Variants in MSL1 observed in about 807,000 individuals in gnomAD.
MSL1 encodes the protein male-specific lethal 1 homolog.
In MSL1, 21 loss-of-function variants were observed where a neutral mutation model predicts 64.6. That is an observed-to-expected ratio of 0.33 (90% confidence interval 0.23 to 0.47). The LOEUF (loss-of-function observed/expected upper bound fraction) is 0.47. MSL1 is among the 20% of genes least tolerant of loss of function. MSL1 has a pLI of 1.00. For missense variants in MSL1, 664 were observed against 793.2 expected (o/e 0.84, Z 1.96); for synonymous variants, 339 against 329.6 (o/e 1.03, Z -0.31).
At position 40,122,976 on chromosome 17, in the gene MSL1, G is replaced by A. The variant is rs753509624; in HGVS notation, c.364G>A (p.Gly122Arg). The A allele has an allele frequency of 1.3e-6, 2 of 1,527,286 alleles. No homozygotes were observed. Among genetic ancestry groups the A allele is most frequent in the Admixed American group, 2.0e-5 (1 of 50,472 alleles). The allele number at this position is 1,527,286 out of a possible 1,614,324, so 94.6% of individuals were successfully genotyped here. Reference sequence around the variant, plus strand: ...CATTGGGGGGGAGCCTGCCGCAGCCGGAGCCGGCTGCAGCCCCCGGCCCAA... The same window carrying A: ...CATTGGGGGGGAGCCTGCCGCAGCCAGAGCCGGCTGCAGCCCCCGGCCCAA... Reference protein sequence around the residue: ...AGIGGEPAAAGAGCSPRPKYQ... With the variant: ...AGIGGEPAAARAGCSPRPKYQ... The change falls in exon 1 of 9, where the codon GGA becomes AGA. Residue 122 changes from glycine to arginine, a missense_variant. By Grantham distance (125) the Gly-to-Arg change is moderately radical. Around this residue, in one of 4 missense-constraint regions of MSL1, gnomAD observed 466 missense variants for 499.0 expected, o/e 0.93. Transcript: ENST00000398532. This position sits in a 1 kb window ranked among gnomAD's most constrained non-coding sequence, Gnocchi z 4.2.
chr17:40,133,859 G>A lies in MSL1; in HGVS notation c.1714G>A (p.Val572Ile), dbSNP rs750524872. The A allele has an allele frequency of 1.9e-6, 3 of 1,613,970 alleles. No individual in the cohort carries two copies. Among genetic ancestry groups the A allele is most frequent in the South Asian group, 1.1e-5 (1 of 91,078 alleles). The stretch of plus-strand genomic sequence containing the variant: ...TTTGATGATTACCCCCTTCTTGCCT[G>A]TTGTAGCATTTGGACGACCATTACC... ...ESLMITPFLP[V>I]VAFGRPLPKL... The change falls in exon 8 of 9, where the codon GTT becomes ATT. Residue 572 changes from valine to isoleucine, a missense_variant. Val to Ile is a conservative substitution (Grantham distance 29). This residue lies in a region of MSL1 where 76 missense variants were observed against 98.5 expected (regional missense o/e 0.77). Coordinates refer to ENST00000398532, the MANE Select transcript of MSL1 (RefSeq NM_001365919.1).
At chr17:40,125,370 A>G (rs1165941186) in intron 1 of MSL1, among the ~76,000 whole-genome samples, 1 of 152,218 alleles carries the variant, frequency 6.6e-6, no homozygotes, top group Non-Finnish European at 1.5e-5. Flanking sequence ...CCTCCCACAC[A>G]TACCCCTTTC....
intron 2 of MSL1, chr17:40,126,631 A>C: frequency 2.1e-6 from 1 of 483,804 alleles, no homozygotes. Context: ...ACATTTTGAA[A>C]CCCCGTCTCT....
chr17:40,131,312 A>G lies in MSL1; in HGVS notation c.1376-225A>G. 1 of 463,130 alleles carries G rather than the reference A, an allele frequency of 2.2e-6. No homozygotes were observed. 28.7% of individuals were successfully genotyped at this position (463,130 alleles called of 1,614,324 possible). A position where few individuals can be genotyped will look rare whatever the true frequency, so the allele number is the denominator to read the frequency against. On this transcript the variant is annotated intron_variant, in intron 3 of 8. Coordinates refer to ENST00000398532, the MANE Select transcript of MSL1 (RefSeq NM_001365919.1). The surrounding 1 kb of genome is among the most constrained non-coding windows in gnomAD (Gnocchi z 4.5). The stretch of plus-strand genomic sequence containing the variant: ...AGGGAAACCACCCTAAATAATGAAG[A>G]AAAGAAGTCGTCTCAGTGTAAAAAA...
rs1598412620 is a variant in MSL1, at chr17:40,131,640, T to C, written c.1423+56T>C. 6.7e-7 allele frequency: 1 copy of C among 1,501,332 alleles called. No homozygotes were observed. Among genetic ancestry groups the C allele is most frequent in the African/African-American group, 1.4e-5 (1 of 72,528 alleles). The allele number at this position is 1,501,332 out of a possible 1,614,324, so 93.0% of individuals were successfully genotyped here. A position where few individuals can be genotyped will look rare whatever the true frequency, so the allele number is the denominator to read the frequency against. On this transcript the variant is annotated intron_variant, in intron 4 of 8. Transcript: ENST00000398532. This position sits in a 1 kb window ranked among gnomAD's most constrained non-coding sequence, Gnocchi z 4.5. ...CCTGGGGTGGGGGTTGGTGGGATGG[T>C]GGATGGTTGGGAGCTGCATTCCCCA...
At chr17:40,125,517 TA>T (rs939575876) in intron 1 of MSL1, among the ~76,000 whole-genome samples, 1 of 152,166 alleles carries the variant, frequency 6.6e-6, no homozygotes, top group African/African-American at 2.4e-5. Context: ...CAGGGCCTCT[TA>T]AAAGATCATG....
At chr17:40,133,225 C>T (rs919527398) in intron 6 of MSL1, 116 bp downstream of exon 6, 9 of 942,684 alleles carry the variant, frequency 9.5e-6, no homozygotes, top group Non-Finnish European at 1.4e-5. Context: ...GCTTAACACT[C>T]TTACATTACT....
rs750349604 is a variant in MSL1, at chr17:40,129,377, T to G, written c.1125T>G (p.Thr375=). ...AACCCTGTGGTTCCTTATCTGAAAC[T>G]GTTTGTAAACGTGAATTGAGGAGCC... ...KEEPCGSLSE[T]VCKRELRSQE... is the part of the protein sequence containing the mutation. The change falls in exon 3 of 9, where the codon ACT becomes ACG. Residue 375 remains threonine, a synonymous_variant. Coordinates refer to ENST00000398532, the MANE Select transcript of MSL1 (RefSeq NM_001365919.1). The G allele has an allele frequency of 1.9e-6, 3 of 1,613,814 alleles. No homozygotes were observed. Among genetic ancestry groups the G allele is most frequent in the Admixed American group, 1.7e-5 (1 of 59,966 alleles).
In MSL1 at chr17:40,134,656, C is replaced by G; in HGVS notation, c.*287C>G. ...ATTCAGAAGTTTCAGGGGTCTGTTTCTATACATTTGCCTATGTTAAAGGGG... is the reference window on the plus strand; with the variant it reads ...ATTCAGAAGTTTCAGGGGTCTGTTTGTATACATTTGCCTATGTTAAAGGGG... On this transcript the variant is annotated 3_prime_UTR_variant, in exon 9 of 9. Transcript: ENST00000398532. 2.5e-6 allele frequency: 1 copy of G among 403,024 alleles called. No individual in the cohort carries two copies. Among genetic ancestry groups the G allele is most frequent in the East Asian group, 4.9e-5 (1 of 20,278 alleles). 25.0% of individuals were successfully genotyped at this position (403,024 alleles called of 1,614,324 possible).
chr17:40,132,017 T>G lies in MSL1; in HGVS notation c.1424-17T>G, dbSNP rs1306129350. ...TCCACCCCTCCTCCCTTTCTTTTTC[T>G]CTCTCTTTTTTTTCAGTTCCTTCTT... is the stretch of plus-strand genomic sequence containing the variant. On this transcript the variant is annotated splice_polypyrimidine_tract_variant and intron_variant, in intron 4 of 8. Coordinates refer to ENST00000398532, the MANE Select transcript of MSL1 (RefSeq NM_001365919.1). The G allele has an allele frequency of 6.4e-7, 1 of 1,569,410 alleles. No homozygotes were observed. Among genetic ancestry groups the G allele is most frequent in the African/African-American group, 1.4e-5 (1 of 74,038 alleles).
Position 40,131,330 on chromosome 17 carries a change from G to GT in MSL1, c.1376-206dup, listed in dbSNP as rs1988432891. On this transcript the variant is annotated intron_variant, in intron 3 of 8. Transcript: ENST00000398532. The surrounding 1 kb of genome is among the most constrained non-coding windows in gnomAD (Gnocchi z 4.5). ...AATGAAGAAAAGAAGTCGTCTCAGTGTAAAAAAAAAAAGTGGTGGGCTTAT... is the reference window on the plus strand; with the variant it reads ...AATGAAGAAAAGAAGTCGTCTCAGTGTTAAAAAAAAAAAGTGGTGGGCTTAT... The GT allele has an allele frequency of 2.1e-6, 1 of 486,828 alleles. No homozygotes were observed. The highest frequency in any genetic ancestry group is 2.0e-5 in the African/African-American group (1 of 51,264). The allele number at this position is 486,828 out of a possible 1,614,324, so 30.2% of individuals were successfully genotyped here.
In MSL1 at chr17:40,131,516, C is replaced by T. The variant is rs181539058; in HGVS notation, c.1376-21C>T. 4.3e-6 allele frequency: 7 copies of T among 1,611,568 alleles called. No homozygotes were observed. The highest frequency in any genetic ancestry group is 5.9e-6 in the Non-Finnish European group (7 of 1,177,940). ...TTTTTCTTTTTACACTGAGATTATT[C>T]TTCTTTCCTGCATTATTTAGGGTGT... On this transcript the variant is annotated intron_variant, in intron 3 of 8. Transcript: ENST00000398532. The surrounding 1 kb of genome is among the most constrained non-coding windows in gnomAD (Gnocchi z 4.5).
intron 5 of MSL1, 71 bp from the exon 6 acceptor site, chr17:40,132,971 A>G: frequency 7.0e-7 from 1 of 1,431,012 alleles, no homozygotes; most frequent in Non-Finnish European, 9.6e-7. Flanking sequence ...TGGAAGCTGG[A>G]AATTAGTTAG....
At chr17:40,133,345 C>A in intron 6 of MSL1, 189 bp from the exon 7 acceptor site, 1 of 797,874 alleles carries the variant, frequency 1.3e-6, no homozygotes, top group Non-Finnish European at 1.9e-6. Context: ...TGTGGAACAC[C>A]AACACATGAT....
Position 40,122,911 on chromosome 17 carries a change from T to G in MSL1, c.299T>G (p.Val100Gly). 6.7e-7 allele frequency: 1 copy of G among 1,492,058 alleles called. No homozygotes were observed. Among genetic ancestry groups the G allele is most frequent in the Non-Finnish European group, 8.9e-7 (1 of 1,128,854 alleles). The allele number at this position is 1,492,058 out of a possible 1,614,324, so 92.4% of individuals were successfully genotyped here. A position where few individuals can be genotyped will look rare whatever the true frequency, so the allele number is the denominator to read the frequency against. Reference protein sequence around the residue: ...GQQEESWGGSVPLPCPPPATK... With the variant: ...GQQEESWGGSGPLPCPPPATK... Reference sequence around the variant, plus strand: ...CAGGAAGAGAGCTGGGGCGGTTCGGTGCCCTTGCCCTGTCCGCCCCCGGCC... The same window carrying G: ...CAGGAAGAGAGCTGGGGCGGTTCGGGGCCCTTGCCCTGTCCGCCCCCGGCC... Residue 100 changes from valine to glycine, a missense_variant, in exon 1 of 9, where the codon GTG (valine) becomes GGG (glycine). Physicochemically the swap from Val to Gly is moderately radical, Grantham distance 109. This residue lies in a region of MSL1 where 466 missense variants were observed against 499.0 expected (regional missense o/e 0.93). Coordinates refer to ENST00000398532, the MANE Select transcript of MSL1 (RefSeq NM_001365919.1). This position sits in a 1 kb window ranked among gnomAD's most constrained non-coding sequence, Gnocchi z 4.2.
intron 1 of MSL1, 84 bp from the exon 2 acceptor site, chr17:40,126,099 T>G: frequency 7.4e-6 from 9 of 1,213,514 alleles, no homozygotes; most frequent in Non-Finnish European, 1.2e-6. Context: ...GGCAGAAGAC[T>G]ATACTGATTC....
Position 40,134,549 on chromosome 17 carries a change from A to T in MSL1, c.*180A>T. The T allele has an allele frequency of 3.4e-6, 2 of 595,274 alleles. No homozygotes were observed. Among genetic ancestry groups the T allele is most frequent in the Non-Finnish European group, 6.0e-6 (2 of 335,646 alleles). The allele number at this position is 595,274 out of a possible 1,614,324, so 36.9% of individuals were successfully genotyped here. On this transcript the variant is annotated 3_prime_UTR_variant, in exon 9 of 9. Coordinates refer to ENST00000398532, the MANE Select transcript of MSL1 (RefSeq NM_001365919.1). ...TCACAAAAACTCTTTCATTCGGCTA[A>T]TTGTGAGTTATGGAGGGTGATTGGG...
intron 2 of MSL1, chr17:40,126,662 G>A (rs992731552): frequency 5.2e-6 from 2 of 384,162 alleles, no homozygotes; most frequent in Non-Finnish European, 9.6e-6. Flanking sequence ...TAAAAAATTA[G>A]CCGGGCGTGA....
intron 1 of MSL1, among the ~76,000 whole-genome samples, chr17:40,124,001 G>A (rs1181018478): frequency 6.6e-6 from 1 of 152,138 alleles, no homozygotes; most frequent in African/African-American, 2.4e-5. Context: ...CCTTTTATAA[G>A]CATGGTGTTT....
Sources: gnomAD v4.1 joint callset for allele counts (sites outside exome capture counted in the v4.1 genomes callset) on GRCh38, gnomAD v4.1.1 for gene constraint, gnomAD v4.1.1 regional missense constraint, Gnocchi (gnomAD v3.1) non-coding constraint, MANE v1.5 for transcripts, NCBI Gene and HGNC (gene_info 2026-07-23, HGNC 2026-07-21) for gene names.